OSBPL3: variants seen among roughly 807,000 people sequenced by gnomAD.
OSBPL3 encodes the protein oxysterol binding protein like 3, also known as oxysterol-binding protein-related protein 3.
In OSBPL3, 65 loss-of-function variants were observed where a neutral mutation model predicts 120.1. That is an observed-to-expected ratio of 0.54 (90% CI 0.44 to 0.67). The LOEUF (loss-of-function observed/expected upper bound fraction) is 0.67, where lower values mean the gene tolerates loss of function less well. OSBPL3 is among the 30% of genes least tolerant of loss of function. OSBPL3 has a pLI of 0.00. For missense variants in OSBPL3, 1,004 were observed against 1,082.1 expected (o/e 0.93, Z 1.01); for synonymous variants, 416 against 402.6 (o/e 1.03, Z -0.40).
intron 12 of OSBPL3, among the ~76,000 whole-genome samples, chr7:24,847,547 T>C (rs1422181000): frequency 6.6e-6 from 1 of 152,226 alleles, no homozygotes; most frequent in Non-Finnish European, 1.5e-5. Flanking sequence ...ATATATAGTT[T>C]AAAAACATGT....
Position 24,870,834 on chromosome 7 carries a change from C to G in OSBPL3, c.279G>C (p.Glu93Asp). ...YAKSQTDIER[E>D]KLHGCIDVGL... ...CGACATCAATGCAGCCATGCAGCTTCTCTCTCTCTATCTGCAGAGGCACCA... is the reference window on the plus strand; with the variant it reads ...CGACATCAATGCAGCCATGCAGCTTGTCTCTCTCTATCTGCAGAGGCACCA... Residue 93 changes from glutamate (E) to aspartate (D), a missense_variant, in exon 5 of 23, where the codon GAG (glutamate) becomes GAC (aspartate). Glu to Asp is a conservative substitution (Grantham distance 45). Coordinates refer to ENST00000313367, the MANE Select transcript of OSBPL3 (RefSeq NM_015550.4). 3 of 1,596,326 alleles carry G rather than the reference C, an allele frequency of 1.9e-6. No individual in the cohort carries two copies. The highest frequency in any genetic ancestry group is 2.6e-6 in the Non-Finnish European group (3 of 1,164,482).
At position 24,797,548 on chromosome 7, in the gene OSBPL3, A is replaced by T. The variant is rs1181068692; in HGVS notation, c.*2635T>A. On this transcript the variant is annotated 3_prime_UTR_variant, in exon 23 of 23. Transcript: ENST00000313367. This position sits in a 1 kb window ranked among gnomAD's most constrained non-coding sequence, Gnocchi z 4.8. Reference sequence around the variant, plus strand: ...CCTTGGGGTGCTTTGGGGCCTGGGGAGGGAAGTGACTGGCTCTCCTGCTAC... The same window carrying T: ...CCTTGGGGTGCTTTGGGGCCTGGGGTGGGAAGTGACTGGCTCTCCTGCTAC... 1 of 152,068 alleles carries T rather than the reference A, an allele frequency of 6.6e-6. No homozygotes were observed. Among genetic ancestry groups the T allele is most frequent in the African/African-American group, 2.4e-5 (1 of 41,400 alleles). 9.4% of individuals were successfully genotyped at this position (152,068 alleles called of 1,614,324 possible). A position where few individuals can be genotyped will look rare whatever the true frequency, so the allele number is the denominator to read the frequency against.
At chr7:24,917,446 T>TATTTGTAACATATATATATAC (rs1366145573) in intron 1 of OSBPL3, among the ~76,000 whole-genome samples, 3 of 122,230 alleles carry the variant, frequency 2.5e-5, no homozygotes, top group African/African-American at 9.2e-5. Context: ...TATATATATA[T>TATTTGTAACATATATATATAC]ACACACACAT....
chr7:24,861,751 C>A lies in OSBPL3; in HGVS notation c.889G>T (p.Gly297Cys). Residue 297 changes from glycine (G) to cysteine (C), a missense_variant, in exon 10 of 23, where the codon GGC (glycine) becomes TGC (cysteine). Physicochemically the swap from Gly to Cys is radical, Grantham distance 159 (BLOSUM62 -3). Transcript: ENST00000313367. ...TTGGAGGAGTGTAGTCTTACTGGGC[C>A]AGAAAAAGGTTTCGGGACCTGAAGT... ...GTLQVPKPFS[G>C]PVRLHSSNPN... The A allele has an allele frequency of 6.3e-7, 1 of 1,593,006 alleles. No individual in the cohort carries two copies. The highest frequency in any genetic ancestry group is 8.5e-7 in the Non-Finnish European group (1 of 1,172,048).
At position 24,820,996 on chromosome 7, in the gene OSBPL3, A is replaced by G. The variant is rs566764560; in HGVS notation, c.1885-758T>C. 6.6e-6 allele frequency among the ~76,000 whole-genome samples: 1 copy of G among 152,226 alleles called. No individual in the cohort carries two copies. The highest frequency in any genetic ancestry group is 2.4e-5 in the African/African-American group (1 of 41,452). On this transcript the variant is annotated intron_variant, in intron 16 of 22. Transcript: ENST00000313367. The surrounding 1 kb of genome is among the most constrained non-coding windows in gnomAD (Gnocchi z 4.6). ...GGGGTCATTACTCATTTTATTCAGC[A>G]GTGAAGAGGCTGAAGAGAAAATGGC...
At chr7:24,882,968 G>A (rs1803942486) in intron 2 of OSBPL3, among the ~76,000 whole-genome samples, 1 of 152,024 alleles carries the variant, frequency 6.6e-6, no homozygotes, top group Non-Finnish European at 1.5e-5. Flanking sequence ...TGTATATTCT[G>A]GATATTAGTT....
Position 24,959,456 on chromosome 7 carries a change from G to A in OSBPL3, c.-150+20430C>T, listed in dbSNP as rs570519479. ...TGAGTGACTCTCACAGACCTAAAGC[G>A]TTAACATGAGTCAATTTACATAAGT... On this transcript the variant is annotated intron_variant, in intron 1 of 22. Transcript: ENST00000313367. The surrounding 1 kb of genome is among the most constrained non-coding windows in gnomAD (Gnocchi z 4.3). Among the ~76,000 whole-genome samples, 55 of 152,164 alleles carry A rather than the reference G, an allele frequency of 3.6e-4. No homozygotes were observed. Among genetic ancestry groups the A allele is most frequent in the African/African-American group, 1.3e-3 (52 of 41,530 alleles).
chr7:24,934,155 A>T (rs1027642986), intron 1 of OSBPL3, among the ~76,000 whole-genome samples: 1 of 152,204 alleles, frequency 6.6e-6, no homozygotes, highest in African/African-American at 2.4e-5. Flanking sequence ...TTTTAAAAAC[A>T]CCAGTATCAA....
chr7:24,979,501 C>T (rs1426788708), intron 1 of OSBPL3, among the ~76,000 whole-genome samples: 1 of 152,154 alleles, frequency 6.6e-6, no homozygotes, highest in East Asian at 1.9e-4. Flanking sequence ...CGCGCTCGCC[C>T]CAATTTACCA....
chr7:24,816,835 A>G (rs554461983), intron 17 of OSBPL3, 147 bp from the exon 18 acceptor site: 21 of 634,018 alleles, frequency 3.3e-5, no homozygotes, highest in East Asian at 3.0e-4. Flanking sequence ...TTCATAAAAT[A>G]TAAGTACCAA....
Position 24,815,211 on chromosome 7 carries a change from G to C in OSBPL3, c.2028-8C>G, listed in dbSNP as rs1794323732. 1.2e-6 allele frequency: 2 copies of C among 1,608,526 alleles called. No homozygotes were observed. Among genetic ancestry groups the C allele is most frequent in the Admixed American group, 3.4e-5 (2 of 58,764 alleles). On this transcript the variant is annotated splice_polypyrimidine_tract_variant and splice_region_variant and intron_variant, in intron 18 of 22. Transcript: ENST00000313367. The surrounding 1 kb of genome is among the most constrained non-coding windows in gnomAD (Gnocchi z 5.1). ...TCAAAATGATCCCCAAAACTAAAAAGAAGGAAAAAGTAGAAGTACCAATTT... is the reference window on the plus strand; with the variant it reads ...TCAAAATGATCCCCAAAACTAAAAACAAGGAAAAAGTAGAAGTACCAATTT...
At chr7:24,856,253 G>A (rs1799825862) in intron 10 of OSBPL3, among the ~76,000 whole-genome samples, 1 of 152,046 alleles carries the variant, frequency 6.6e-6, no homozygotes, top group Middle Eastern at 3.4e-3. Flanking sequence ...TCTACAGAAT[G>A]GAACATCATA....
In OSBPL3 at chr7:24,916,587, C is replaced by T. The variant is rs1386573706; in HGVS notation, c.-149-23966G>A. 2.0e-5 allele frequency among the ~76,000 whole-genome samples: 3 copies of T among 152,034 alleles called. No individual in the cohort carries two copies. The highest frequency in any genetic ancestry group is 2.9e-5 in the Non-Finnish European group (2 of 68,014). ...AACACTCCCCAACCTCAGATTCTGA[C>T]TCATATACCTCCATCAGTCTTCTTC... On this transcript the variant is annotated intron_variant, in intron 1 of 22. Transcript: ENST00000313367. This position sits in a 1 kb window ranked among gnomAD's most constrained non-coding sequence, Gnocchi z 4.9.
Position 24,897,617 on chromosome 7 carries a change from G to A in OSBPL3, c.-149-4996C>T, listed in dbSNP as rs115532509. ...TGGGATTACAGGCGTGAGCCACCGC[G>A]CCCGGCCAGATGGCAGAATCTTAAA... On this transcript the variant is annotated intron_variant, in intron 1 of 22. Coordinates refer to ENST00000313367, the MANE Select transcript of OSBPL3 (RefSeq NM_015550.4). Among the ~76,000 whole-genome samples the A allele has an allele frequency of 4.7e-3, 716 of 152,204 alleles. 12 individuals are homozygous for A. Among genetic ancestry groups the A allele is most frequent in the African/African-American group, 0.016 (676 of 41,522 alleles).
intron 17 of OSBPL3, among the ~76,000 whole-genome samples, 163 bp from the exon 18 acceptor site, chr7:24,816,851 T>C (rs1794537032): frequency 6.6e-6 from 1 of 152,172 alleles, no homozygotes; most frequent in African/African-American, 2.4e-5. Flanking sequence ...ACCAACCCCA[T>C]ATGGGCCCTT....
At position 24,938,029 on chromosome 7, in the gene OSBPL3, A is replaced by G. The variant is rs1431669826; in HGVS notation, c.-150+41857T>C. On this transcript the variant is annotated intron_variant, in intron 1 of 22. Transcript: ENST00000313367. This position sits in a 1 kb window ranked among gnomAD's most constrained non-coding sequence, Gnocchi z 5.8. ...TAGGAACTACATTTAACTGCAACCGATAAGATACTTCCTCCTTATCTCCAA... is the reference window on the plus strand; with the variant it reads ...TAGGAACTACATTTAACTGCAACCGGTAAGATACTTCCTCCTTATCTCCAA... 6.6e-6 allele frequency among the ~76,000 whole-genome samples: 1 copy of G among 152,202 alleles called. No homozygotes were observed. The highest frequency in any genetic ancestry group is 1.5e-5 in the Non-Finnish European group (1 of 68,038).
chr7:24,859,397 C>T (rs1800226401), intron 10 of OSBPL3, among the ~76,000 whole-genome samples: 9 of 152,056 alleles, frequency 5.9e-5, no homozygotes, highest in Admixed American at 5.9e-4. Flanking sequence ...AGAACTCCAG[C>T]CTCCATCACT....
intron 1 of OSBPL3, among the ~76,000 whole-genome samples, chr7:24,909,788 T>C (rs1303681220): frequency 1.3e-3 from 107 of 84,236 alleles, no homozygotes; most frequent in African/African-American, 3.5e-3. Context: ...TCTTTCTTTT[T>C]TTTTTTTTTT....
chr7:24,871,992 C>G lies in OSBPL3; in HGVS notation c.174G>C (p.Leu58Phe), dbSNP rs768245031. The stretch of plus-strand genomic sequence containing the variant: ...TTAAGGGCCACTTCCTCTTTTTCAG[C>G]AAAAATCCTTTCTGAACTGGTGGCT... Reference protein sequence around the residue: ...TQEPPVQKGFLLKKRKWPLKG... With the variant: ...TQEPPVQKGFFLKKRKWPLKG... Residue 58 changes from leucine to phenylalanine, a missense_variant, in exon 3 of 23, where the codon TTG (leucine) becomes TTC (phenylalanine). Leu to Phe is a conservative substitution (Grantham distance 22). Around this residue, in one of 4 missense-constraint regions of OSBPL3, gnomAD observed 255 missense variants for 248.7 expected, o/e 1.03. Coordinates refer to ENST00000313367, the MANE Select transcript of OSBPL3 (RefSeq NM_015550.4). The surrounding 1 kb of genome is among the most constrained non-coding windows in gnomAD (Gnocchi z 4.8). 6.2e-7 allele frequency: 1 copy of G among 1,613,808 alleles called. No individual in the cohort carries two copies. Among genetic ancestry groups the G allele is most frequent in the East Asian group, 2.2e-5 (1 of 44,876 alleles).
Sources: allele counts gnomAD v4.1 joint callset (sites outside exome capture counted in the v4.1 genomes callset), GRCh38; gene constraint gnomAD v4.1.1; regional missense constraint gnomAD v4.1.1; non-coding constraint Gnocchi (gnomAD v3.1); transcripts MANE v1.5; gene names NCBI Gene and HGNC (gene_info 2026-07-23, HGNC 2026-07-21).